Variants in MGST2 observed in about 807,000 individuals in gnomAD.
MGST2 encodes the protein glutathione peroxidase MGST2.
A neutral mutation model predicts 16.6 loss-of-function variants in MGST2; 9 were observed. That is an observed-to-expected ratio of 0.54 (90% CI 0.33 to 0.95). The LOEUF is 0.95. Ranked by LOEUF, MGST2 falls within the 40% of genes least tolerant of loss-of-function variation. The probability of loss-of-function intolerance (pLI) is 0.03; values close to 1 mark genes in which losing one functional copy is unlikely to be tolerated. For missense variants in MGST2, 159 were observed against 175.1 expected (o/e 0.91, Z 0.52); for synonymous variants, 79 against 68.0 (o/e 1.16, Z -0.79).
chr4:139,666,196 G>A, intron 1 of MGST2, 119 bp downstream of exon 1: 1 of 1,061,676 alleles, frequency 9.4e-7, no homozygotes, highest in Middle Eastern at 2.9e-4. Flanking sequence ...TTTCCTACTT[G>A]CCCTTGCAGG....
chr4:139,706,218 A>T (rs1317498407), downstream of MGST2, among the ~76,000 whole-genome samples: 4 of 152,232 alleles, frequency 2.6e-5, no homozygotes, highest in Non-Finnish European at 5.9e-5. Flanking sequence ...GAGTGGGCAC[A>T]TTTGCATACT....
At chr4:139,668,813 GTTC>G (rs1323991795) in intron 1 of MGST2, among the ~76,000 whole-genome samples, 1 of 152,120 alleles carries the variant, frequency 6.6e-6, no homozygotes, top group Non-Finnish European at 1.5e-5. Context: ...TTGATAAGAT[GTTC>G]TTATGTTCAG....
chr4:139,727,328 G>A (rs1314322841), intron 5 of MGST2, among the ~76,000 whole-genome samples: 1 of 152,204 alleles, frequency 6.6e-6, no homozygotes, highest in Non-Finnish European at 1.5e-5. Context: ...CTTTTAGGCA[G>A]CAATAGAAGG....
chr4:139,676,244 T>G (rs1448027264), intron 1 of MGST2, among the ~76,000 whole-genome samples: 2 of 152,236 alleles, frequency 1.3e-5, no homozygotes, highest in Non-Finnish European at 2.9e-5. Context: ...GTTTATTCCT[T>G]TTTCTTATTG....
At chr4:139,750,705 T>C in the MGST2 span, among the ~76,000 whole-genome samples, 1 of 152,208 alleles carries the variant, frequency 6.6e-6, no homozygotes, top group East Asian at 1.9e-4. Flanking sequence ...GCTCAATTAC[T>C]TTCTTTGTAT....
At chr4:139,676,285 A>C (rs1730953710) in intron 1 of MGST2, among the ~76,000 whole-genome samples, 1 of 152,224 alleles carries the variant, frequency 6.6e-6, no homozygotes, top group South Asian at 2.1e-4. Context: ...TGGCTCTATC[A>C]TGATTTATTT....
At chr4:139,742,110 A>G (rs1729184098), downstream of MGST2, among the ~76,000 whole-genome samples, 2 of 151,744 alleles carry the variant, frequency 1.3e-5, no homozygotes, top group Admixed American at 1.3e-4. Flanking sequence ...ACAATGAGAA[A>G]TCATCCTCTC....
At chr4:139,739,101 A>G (rs1729064565) in intron 5 of MGST2, among the ~76,000 whole-genome samples, 2 of 152,246 alleles carry the variant, frequency 1.3e-5, no homozygotes, top group African/African-American at 4.8e-5. Flanking sequence ...AGCAAAATAC[A>G]GATTTACTGA....
At chr4:139,687,378 T>C (rs986386867) in intron 2 of MGST2, among the ~76,000 whole-genome samples, 1 of 152,066 alleles carries the variant, frequency 6.6e-6, no homozygotes, top group Non-Finnish European at 1.5e-5. Context: ...AAATCAAGAG[T>C]CATTGCTTGC....
chr4:139,719,272 C>CAA (rs1728122605), intron 5 of MGST2: 1 of 1,512,920 alleles, frequency 6.6e-7, no homozygotes, highest in Non-Finnish European at 8.8e-7. Flanking sequence ...GTTTCTTTTT[C>CAA]ACTTTTTAAG....
chr4:139,748,008 C>T, the MGST2 span, among the ~76,000 whole-genome samples: 3 of 131,992 alleles, frequency 2.3e-5, no homozygotes, highest in African/African-American at 8.7e-5. Flanking sequence ...GAGCCAAGAT[C>T]ACGCCACTGC....
intron 5 of MGST2, among the ~76,000 whole-genome samples, chr4:139,728,065 A>G (rs1337586416): frequency 6.6e-6 from 1 of 152,108 alleles, no homozygotes; most frequent in Non-Finnish European, 1.5e-5. Flanking sequence ...AAATACAAAA[A>G]TTAGCCAGGC....
At chr4:139,696,555 G>T (rs922132130) in intron 3 of MGST2, among the ~76,000 whole-genome samples, 2 of 152,138 alleles carry the variant, frequency 1.3e-5, no homozygotes, top group East Asian at 1.9e-4. Context: ...TTCATCTGGC[G>T]TGGTGTCTAT....
intron 5 of MGST2, among the ~76,000 whole-genome samples, chr4:139,727,791 C>T (rs1303564039): frequency 6.6e-6 from 1 of 152,186 alleles, no homozygotes; most frequent in Non-Finnish European, 1.5e-5. Context: ...ATCCCAAATC[C>T]TTCTGTTTTC....
chr4:139,715,480 T>C lies in MGST2; in HGVS notation c.*48+11284T>C, dbSNP rs1194133129. Among the ~76,000 whole-genome samples, 1 of 152,148 alleles carries C rather than the reference T, an allele frequency of 6.6e-6. No individual in the cohort carries two copies. The highest frequency in any genetic ancestry group is 1.5e-5 in the Non-Finnish European group (1 of 68,028). On this transcript the variant is annotated intron_variant, in intron 5 of 5. Coordinates refer to the MGST2 transcript ENST00000616265. This position sits in a 1 kb window ranked among gnomAD's most constrained non-coding sequence, Gnocchi z 4.4. Reference sequence around the variant, plus strand: ...CAGACCCCAAGAGAGGGTTCTTGGCTCTTGCGCAAGAAAGAATTCAGGGTG... The same window carrying C: ...CAGACCCCAAGAGAGGGTTCTTGGCCCTTGCGCAAGAAAGAATTCAGGGTG...
chr4:139,678,399 C>A, intron 1 of MGST2, 144 bp from the exon 2 acceptor site: 1 of 720,648 alleles, frequency 1.4e-6, no homozygotes. Flanking sequence ...CCTCTCCTGT[C>A]TTTTTTAATT....
At chr4:139,716,637 G>T (rs1328752476) in intron 5 of MGST2, 2 of 152,592 alleles carry the variant, frequency 1.3e-5, no homozygotes, top group Non-Finnish European at 2.9e-5. Context: ...AATGTTTAAA[G>T]AATGATATCA....
At chr4:139,725,836 C>T (rs1318665698) in intron 5 of MGST2, 4 of 1,613,672 alleles carry the variant, frequency 2.5e-6, no homozygotes, top group Non-Finnish European at 3.4e-6. Flanking sequence ...GCTGCAACTG[C>T]TAGAACAACA....
At chr4:139,671,396 A>G (rs1158281326) in intron 1 of MGST2, among the ~76,000 whole-genome samples, 1 of 152,190 alleles carries the variant, frequency 6.6e-6, no homozygotes, top group Non-Finnish European at 1.5e-5. Flanking sequence ...ATCAACTCAT[A>G]AGGGAAATAA....
Sources: allele counts gnomAD v4.1 joint callset (sites outside exome capture counted in the v4.1 genomes callset), GRCh38; gene constraint gnomAD v4.1.1; non-coding constraint Gnocchi (gnomAD v3.1); transcripts MANE v1.5; gene names NCBI Gene and HGNC (gene_info 2026-07-23, HGNC 2026-07-21).